SNHG17: variants seen among roughly 807,000 people sequenced by gnomAD.
SNHG17 encodes the protein small nucleolar RNA host gene 17.
At chr20:38,425,938 T>C (rs1397852550) in exon 5 of SNHG17, 1 of 151,404 alleles carries the variant, frequency 6.6e-6, no homozygotes, top group African/African-American at 2.4e-5. Context: ...CACGTACCTG[T>C]GGTCCCAGCT....
At chr20:38,433,134 C>T (rs2084364780) in intron 2 of SNHG17, among the ~76,000 whole-genome samples, 1 of 152,076 alleles carries the variant, frequency 6.6e-6, no homozygotes. Context: ...GCCACCACAC[C>T]TAGGTAATTT....
chr20:38,430,428 G>A (rs973023698), intron 3 of SNHG17, among the ~76,000 whole-genome samples: 5 of 151,830 alleles, frequency 3.3e-5, no homozygotes, highest in African/African-American at 1.2e-4. Flanking sequence ...TCAGGAGTTC[G>A]CGATCAGCCT....
At chr20:38,426,216 G>A (rs894628572) in intron 4 of SNHG17, among the ~76,000 whole-genome samples, 11 of 151,982 alleles carry the variant, frequency 7.2e-5, no homozygotes, top group African/African-American at 2.7e-4. Flanking sequence ...CAGAGCCCAA[G>A]GGGAGCTCTG....
At chr20:38,430,134 T>C (rs550277189) in intron 3 of SNHG17, among the ~76,000 whole-genome samples, 1 of 149,868 alleles carries the variant, frequency 6.7e-6, no homozygotes, top group East Asian at 2.0e-4. Context: ...CTGTCCAACA[T>C]GGTGAAACCC....
intron 2 of SNHG17, chr20:38,431,963 A>T (rs2084348266): frequency 1.0e-6 from 1 of 979,838 alleles, no homozygotes; most frequent in Admixed American, 6.1e-5. Context: ...CCCTTGTGGG[A>T]CACAAAGCCC....
At chr20:38,431,773 T>G (rs1254761277) in intron 2 of SNHG17, among the ~76,000 whole-genome samples, 1 of 152,120 alleles carries the variant, frequency 6.6e-6, no homozygotes, top group Admixed American at 6.6e-5. Flanking sequence ...GAGTCAGATA[T>G]TCCAAGACAC....
At chr20:38,429,462 G>T (rs765080796) in intron 3 of SNHG17, 2 of 249,428 alleles carry the variant, frequency 8.0e-6, no homozygotes, top group Non-Finnish European at 1.6e-5. Flanking sequence ...GAGGTGTGGA[G>T]GCAGAGAAAG....
chr20:38,427,195 A>G, intron 3 of SNHG17: 1 of 350,074 alleles, frequency 2.9e-6, no homozygotes, highest in Admixed American at 3.1e-5. Flanking sequence ...TGGTTTCTGC[A>G]AAGAGAGGTC....
chr20:38,432,063 A>T, intron 2 of SNHG17: 1 of 985,368 alleles, frequency 1.0e-6, no homozygotes, highest in Non-Finnish European at 1.2e-6. Context: ...TCTCTGCACC[A>T]ATCAGCCTCC....
At chr20:38,423,690 C>T (rs1256795609) in intron 5 of SNHG17, among the ~76,000 whole-genome samples, 1 of 151,836 alleles carries the variant, frequency 6.6e-6, no homozygotes, top group African/African-American at 2.4e-5. Context: ...GTCTAGAGGG[C>T]TCACGCACAA....
At chr20:38,432,289 G>A (rs910049351) in intron 2 of SNHG17, 1 of 437,762 alleles carries the variant, frequency 2.3e-6, no homozygotes, top group South Asian at 9.6e-5. Context: ...CTCATCTTAT[G>A]CACATATTGT....
At chr20:38,429,338 A>G in intron 3 of SNHG17, 1 of 175,446 alleles carries the variant, frequency 5.7e-6, no homozygotes, top group Non-Finnish European at 1.2e-5. Flanking sequence ...CAAAGTAGGG[A>G]ACAAAATTCA....
chr20:38,433,962 G>A, intron 2 of SNHG17: 1 of 519,218 alleles, frequency 1.9e-6, no homozygotes, highest in Non-Finnish European at 3.8e-6. Context: ...TCAATGACCA[G>A]GGCACAGGCA....
intron 3 of SNHG17, among the ~76,000 whole-genome samples, chr20:38,430,463 T>C (rs1044407350): frequency 4.1e-5 from 6 of 146,304 alleles, no homozygotes; most frequent in Non-Finnish European, 7.5e-5. Context: ...CTACTAAAAA[T>C]AGAAAAAATT....
chr20:38,430,795 G>A (rs1195294008), intron 3 of SNHG17: 1 of 152,220 alleles, frequency 6.6e-6, no homozygotes, highest in East Asian at 1.9e-4. Context: ...CTCTCAACAT[G>A]ACAGGGTCTT....
At chr20:38,432,530 G>A (rs766300664) in intron 2 of SNHG17, among the ~76,000 whole-genome samples, 17 of 152,096 alleles carry the variant, frequency 1.1e-4, no homozygotes, top group Admixed American at 6.6e-4. Context: ...CAATCCTGTG[G>A]GGAAATTAAT....
chr20:38,421,735 T>G (rs1251501922), intron 6 of SNHG17: 1 of 152,106 alleles, frequency 6.6e-6, no homozygotes, highest in Non-Finnish European at 1.5e-5. Flanking sequence ...CTGTTAATGA[T>G]CGGGACACAG....
exon 1 of SNHG17, chr20:38,435,325 G>A (rs955170402): frequency 8.9e-6 from 11 of 1,231,272 alleles, no homozygotes; most frequent in African/African-American, 1.5e-5. Flanking sequence ...GACGGCGAAG[G>A]ACTGAGGCCA....
rs537317307 is a variant in SNHG17 at position 38,424,068 on chromosome 20, G to C, written n.580-1827C>G. Among the ~76,000 whole-genome samples, 3 of 152,082 alleles carry C rather than the reference G, an allele frequency of 2.0e-5. No homozygotes were observed. The South Asian group carries it at 6.2e-4, about 32-fold the overall frequency. On this transcript the variant is annotated intron_variant and non_coding_transcript_variant, in intron 5 of 8. Transcript: ENST00000654008. ...ACATCTTTAATCCCAGCTACTCGGAGGCTGAGGCATGAGAATCACTGAACC... is the reference window on the plus strand; with the variant it reads ...ACATCTTTAATCCCAGCTACTCGGACGCTGAGGCATGAGAATCACTGAACC...
Sources: gnomAD v4.1 joint callset for allele counts (sites outside exome capture counted in the v4.1 genomes callset) on GRCh38, gnomAD v4.1.1 for gene constraint, MANE v1.5 for transcripts, NCBI Gene and HGNC (gene_info 2026-07-23, HGNC 2026-07-21) for gene names.